MYOM1: variants seen among roughly 807,000 people sequenced by gnomAD.
The protein encoded by MYOM1 is myomesin 1, also known as myomesin-1.
A neutral mutation model predicts 205.3 loss-of-function variants in MYOM1; 164 were observed. That is an observed-to-expected ratio of 0.80 (90% confidence interval 0.70 to 0.91). The LOEUF is 0.91. Ranked by LOEUF, MYOM1 falls within the 40% of genes least tolerant of loss-of-function variation. The pLI, the probability that MYOM1 is intolerant of heterozygous loss-of-function variation, is 0.00. For missense variants in MYOM1, 2,011 were observed against 2,127.3 expected (o/e 0.95, Z 1.08); for synonymous variants, 772 against 789.4 (o/e 0.98, Z 0.37).
intron 3 of MYOM1, chr18:3,190,550 AAAT>A (rs1344771448): frequency 3.3e-5 from 5 of 152,168 alleles, no homozygotes; most frequent in Non-Finnish European, 7.3e-5. Context: ...CTCTCTCCGT[AAAT>A]ATTAATAAGC....
At position 3,188,873 on chromosome 18, in the gene MYOM1, C is replaced by T. The variant is rs1229084764; in HGVS notation, c.646G>A (p.Ala216Thr). ...TTGGAAACCACAGACTGCCTGGATG[C>T]CGTGGACTGCCTGGATGCCGTGGAC... ...KQSTASRQST[A>T]SRQSVVSKQA... Residue 216 changes from alanine (A) to threonine (T), a missense_variant, in exon 4 of 38, where the codon GCA (alanine) becomes ACA (threonine). Ala to Thr is a moderately conservative substitution (Grantham distance 58). Coordinates refer to ENST00000356443, the MANE Select transcript of MYOM1 (RefSeq NM_003803.4). 4 of 1,609,392 alleles carry T rather than the reference C, an allele frequency of 2.5e-6. No homozygotes were observed. Among genetic ancestry groups the T allele is most frequent in the Non-Finnish European group, 3.4e-6 (4 of 1,176,502 alleles).
intron 19 of MYOM1, 26 bp downstream of exon 19, chr18:3,126,675 C>T (rs2079788779): frequency 6.3e-7 from 1 of 1,596,564 alleles, no homozygotes; most frequent in Non-Finnish European, 8.5e-7. Context: ...TAGGACACGC[C>T]ACACTACAGA....
chr18:3,203,215 A>G (rs79790165), intron 2 of MYOM1, among the ~76,000 whole-genome samples: 1,693 of 151,022 alleles, frequency 0.011, 29 homozygotes, highest in African/African-American at 0.038. Flanking sequence ...TAATAATTTA[A>G]GCTTCCATCA....
At chr18:3,072,315 C>G (rs909795738) in intron 36 of MYOM1, among the ~76,000 whole-genome samples, 1 of 139,066 alleles carries the variant, frequency 7.2e-6, no homozygotes, top group African/African-American at 2.7e-5. Context: ...TCTGAAAATG[C>G]TGGGATTACA....
At chr18:3,188,408 C>T (rs113808013) in intron 4 of MYOM1, among the ~76,000 whole-genome samples, 1 of 151,414 alleles carries the variant, frequency 6.6e-6, no homozygotes, top group African/African-American at 2.4e-5. Context: ...CTTGAGGTCA[C>T]GAGTTCAAGA....
chr18:3,160,012 ACTT>A (rs1366754331), intron 10 of MYOM1, among the ~76,000 whole-genome samples: 116 of 124,956 alleles, frequency 9.3e-4, no homozygotes, highest in African/African-American at 3.0e-3. Flanking sequence ...TTCTTCTCCT[ACTT>A]CTTCTTCTCC....
chr18:3,173,940 C>T lies in MYOM1; in HGVS notation c.1172G>A (p.Ser391Asn), dbSNP rs1598742761. Residue 391 changes from serine (S) to asparagine (N), a missense_variant and splice_region_variant, in exon 8 of 38, where the codon AGC becomes AAC. By Grantham distance (46) the Ser-to-Asn change is conservative. Transcript: ENST00000356443. ...FHAGASTMPL[S>N]FGVTPYGYAS... ...AGTAAATGTGTTTTTAAACTTACAG[C>T]TGAGGGGCATGGTGGAAGCCCCAGC... The T allele has an allele frequency of 5.6e-6, 9 of 1,613,296 alleles. No homozygotes were observed. The East Asian group carries it at 1.8e-4, about 32-fold the overall frequency.
At chr18:3,183,983 G>A (rs781572055) in intron 5 of MYOM1, among the ~76,000 whole-genome samples, 5 of 151,260 alleles carry the variant, frequency 3.3e-5, no homozygotes, top group Non-Finnish European at 7.4e-5. Context: ...TCAGCTCACT[G>A]CAACCTCTGC....
chr18:3,147,659 A>C (rs2080149537), intron 13 of MYOM1, among the ~76,000 whole-genome samples: 1 of 152,190 alleles, frequency 6.6e-6, no homozygotes, highest in African/African-American at 2.4e-5. Context: ...AGGGGAAAAA[A>C]ATTGACCAAT....
chr18:3,142,556 C>T (rs2080066546), intron 13 of MYOM1, among the ~76,000 whole-genome samples: 1 of 151,818 alleles, frequency 6.6e-6, no homozygotes, highest in Admixed American at 6.6e-5. Context: ...CAGGTGTGAG[C>T]CACTGCAGCC....
intron 2 of MYOM1, among the ~76,000 whole-genome samples, chr18:3,200,304 C>A (rs528524802): frequency 6.6e-6 from 1 of 152,284 alleles, no homozygotes; most frequent in African/African-American, 2.4e-5. Flanking sequence ...CCATTTTTAA[C>A]AACAATAAAA....
At position 3,116,447 on chromosome 18, in the gene MYOM1, C is replaced by T. The variant is rs777270890; in HGVS notation, c.3187G>A (p.Val1063Ile). ...DSLVLQWKPP[V>I]HSGRTPVTGY... ...GTGACCGGAGTCCGCCCGGAGTGGA[C>T]TGGCGGCTTCCACTGGAGAACCAGT... Residue 1063 changes from valine to isoleucine, a missense_variant, in exon 21 of 38, where the codon GTC becomes ATC. Physicochemically the swap from Val to Ile is conservative, Grantham distance 29 (BLOSUM62 3). Coordinates refer to ENST00000356443, the MANE Select transcript of MYOM1 (RefSeq NM_003803.4). 14 of 1,612,112 alleles carry T rather than the reference C, an allele frequency of 8.7e-6. No individual in the cohort carries two copies. Among genetic ancestry groups the T allele is most frequent in the Admixed American group, 1.7e-5 (1 of 59,872 alleles).
chr18:3,154,399 C>T (rs2080262658), intron 11 of MYOM1, among the ~76,000 whole-genome samples: 1 of 151,728 alleles, frequency 6.6e-6, no homozygotes, highest in Admixed American at 6.6e-5. Context: ...AATTCGTAGA[C>T]CTAATAGAGA....
At chr18:3,121,597 T>C (rs1165087780) in intron 19 of MYOM1, among the ~76,000 whole-genome samples, 2 of 152,168 alleles carry the variant, frequency 1.3e-5, no homozygotes, top group African/African-American at 2.4e-5. Context: ...CACAGACACA[T>C]ACATACACAA....
At chr18:3,187,202 A>G (rs978026282) in intron 5 of MYOM1, among the ~76,000 whole-genome samples, 1 of 152,208 alleles carries the variant, frequency 6.6e-6, no homozygotes, top group Non-Finnish European at 1.5e-5. Flanking sequence ...ATGTTGGTAC[A>G]TATGTTGACT....
At chr18:3,171,362 G>A (rs2080553788) in intron 8 of MYOM1, among the ~76,000 whole-genome samples, 1 of 152,190 alleles carries the variant, frequency 6.6e-6, no homozygotes, top group Admixed American at 6.5e-5. Context: ...AGCTGCCTTA[G>A]GGGGTAGAGG....
At chr18:3,072,797 T>G (rs2078976311) in intron 36 of MYOM1, among the ~76,000 whole-genome samples, 1 of 152,116 alleles carries the variant, frequency 6.6e-6, no homozygotes, top group Non-Finnish European at 1.5e-5. Context: ...ATGGCTGTTT[T>G]TGGCCCTGAC....
At chr18:3,069,145 T>C (rs992626409) in intron 37 of MYOM1, among the ~76,000 whole-genome samples, 1 of 152,136 alleles carries the variant, frequency 6.6e-6, no homozygotes. Flanking sequence ...TTGGCTTACA[T>C]TCCCACCAGA....
the MYOM1 span, among the ~76,000 whole-genome samples, chr18:3,225,272 C>T: frequency 6.6e-6 from 1 of 152,250 alleles, no homozygotes; most frequent in Admixed American, 6.5e-5. Context: ...CAGGCGTGAG[C>T]CACCGTGCCA....
Sources: allele counts gnomAD v4.1 joint callset (sites outside exome capture counted in the v4.1 genomes callset), GRCh38; gene constraint gnomAD v4.1.1; transcripts MANE v1.5; gene names NCBI Gene and HGNC (gene_info 2026-07-23, HGNC 2026-07-21).